Variants in HS6ST3 observed in about 807,000 individuals in gnomAD.
The protein encoded by HS6ST3 is heparan sulfate 6-O-sulfotransferase 3.
In HS6ST3, 12 loss-of-function variants were observed where a neutral mutation model predicts 36.7. The ratio of observed to expected loss-of-function variants is 0.33; its 90% CI spans 0.21 to 0.53. The LOEUF is 0.53. Ranked by LOEUF, HS6ST3 falls within the 20% of genes least tolerant of loss-of-function variation. HS6ST3 has a pLI of 0.95. For synonymous variants in HS6ST3, 240 were observed against 257.5 expected, an observed-to-expected ratio of 0.93 and a Z score of 0.65; for missense variants, 584 against 640.9, an observed-to-expected ratio of 0.91 and a Z score of 0.96.
chr13:96,393,296 T>C (rs2055405318), intron 1 of HS6ST3, among the ~76,000 whole-genome samples: 1 of 152,098 alleles, frequency 6.6e-6, no homozygotes. Context: ...GAATGGATTG[T>C]AGAGAGGTGG....
At chr13:96,663,274 T>C (rs2139020744) in intron 1 of HS6ST3, among the ~76,000 whole-genome samples, 1 of 152,296 alleles carries the variant, frequency 6.6e-6, no homozygotes, top group South Asian at 2.1e-4. Flanking sequence ...TAGACTGTTA[T>C]TTATCTCCAG....
intron 1 of HS6ST3, among the ~76,000 whole-genome samples, chr13:96,172,742 G>A (rs1365471638): frequency 6.6e-6 from 1 of 152,166 alleles, no homozygotes; most frequent in East Asian, 1.9e-4. Flanking sequence ...AAAGGAGAAA[G>A]CAGAAGAACA....
chr13:96,563,833 C>T (rs1054754947), intron 1 of HS6ST3, among the ~76,000 whole-genome samples: 1 of 152,166 alleles, frequency 6.6e-6, no homozygotes, highest in Non-Finnish European at 1.5e-5. Flanking sequence ...CTCTCATGCA[C>T]ACCTTCTTAC....
At chr13:96,445,809 A>G (rs1482332335) in intron 1 of HS6ST3, among the ~76,000 whole-genome samples, 2 of 152,102 alleles carry the variant, frequency 1.3e-5, no homozygotes, top group Non-Finnish European at 1.5e-5. Flanking sequence ...CGGAGGTTGC[A>G]GTGAGCCAAG....
chr13:96,457,455 G>A (rs1237508290), intron 1 of HS6ST3, among the ~76,000 whole-genome samples: 1 of 152,060 alleles, frequency 6.6e-6, no homozygotes, highest in Non-Finnish European at 1.5e-5. Flanking sequence ...GATGCACAAA[G>A]TGAACACATA....
chr13:96,811,635 A>T (rs1878318818), intron 1 of HS6ST3, among the ~76,000 whole-genome samples: 1 of 152,242 alleles, frequency 6.6e-6, no homozygotes, highest in Admixed American at 6.5e-5. Context: ...ATTAATAAAT[A>T]AAAAACATGT....
intron 1 of HS6ST3, among the ~76,000 whole-genome samples, chr13:96,677,156 C>G (rs1411591979): frequency 1.3e-5 from 2 of 152,022 alleles, no homozygotes; most frequent in African/African-American, 4.8e-5. Flanking sequence ...GGGCAAAGTA[C>G]AAGAATGTCT....
At chr13:96,477,850 G>A (rs183122987) in intron 1 of HS6ST3, among the ~76,000 whole-genome samples, 136 of 152,198 alleles carry the variant, frequency 8.9e-4, no homozygotes, top group African/African-American at 3.1e-3. Context: ...TCCAGCCTGG[G>A]TGACAGAGTG....
At chr13:96,318,712 T>A (rs1039431848) in intron 1 of HS6ST3, among the ~76,000 whole-genome samples, 29 of 152,162 alleles carry the variant, frequency 1.9e-4, no homozygotes, top group Non-Finnish European at 7.3e-5. Flanking sequence ...ATGTGTGGCT[T>A]TATTTCTGAG....
intron 1 of HS6ST3, among the ~76,000 whole-genome samples, chr13:96,292,623 A>G (rs990018065): frequency 2.0e-5 from 3 of 147,760 alleles, no homozygotes; most frequent in Admixed American, 6.8e-5. Flanking sequence ...CAGTAGGTTG[A>G]CAAATATTTA....
intron 1 of HS6ST3, among the ~76,000 whole-genome samples, chr13:96,329,167 G>T: frequency 6.8e-6 from 1 of 146,300 alleles, no homozygotes; most frequent in East Asian, 2.0e-4. Flanking sequence ...AGCGTTTTTT[G>T]TGTCTCTATT....
chr13:96,457,369 A>G (rs1320397622), intron 1 of HS6ST3, among the ~76,000 whole-genome samples: 1 of 135,840 alleles, frequency 7.4e-6, no homozygotes, highest in Non-Finnish European at 1.7e-5. Flanking sequence ...CTTAACTCTC[A>G]ACTTCTAGCT....
rs373730856 is a variant in HS6ST3 at position 96,246,161 on chromosome 13, G to T, written c.707+154592G>T. Among the ~76,000 whole-genome samples, 22 of 152,138 alleles carry T rather than the reference G, an allele frequency of 1.4e-4. 2 individuals carry two copies. The highest frequency in any genetic ancestry group is 5.1e-4 in the African/African-American group (21 of 41,520). On this transcript the variant is annotated intron_variant, in intron 1 of 1. Coordinates refer to ENST00000376705, the MANE Select transcript of HS6ST3 (RefSeq NM_153456.4). ...ACCTATTAGTTTCTCTCTCTCAGAG[G>T]AGAGCCATATCTGTAAAAACCAGAT...
intron 1 of HS6ST3, among the ~76,000 whole-genome samples, chr13:96,590,780 G>A (rs1416794112): frequency 6.6e-6 from 1 of 152,028 alleles, no homozygotes. Context: ...CAATGCCCTG[G>A]AGAGTTTCTC....
At chr13:96,244,442 A>T (rs556144316) in intron 1 of HS6ST3, among the ~76,000 whole-genome samples, 29 of 152,246 alleles carry the variant, frequency 1.9e-4, no homozygotes, top group African/African-American at 7.0e-4. Context: ...TTTTTCTGTA[A>T]TTATGACCAC....
chr13:96,692,863 A>G (rs906101596), intron 1 of HS6ST3, among the ~76,000 whole-genome samples: 3 of 152,148 alleles, frequency 2.0e-5, no homozygotes, highest in African/African-American at 7.2e-5. Flanking sequence ...TGTAGGAGAA[A>G]ATATGTTGTT....
At chr13:96,650,956 C>A (rs578255120) in intron 1 of HS6ST3, among the ~76,000 whole-genome samples, 1 of 152,146 alleles carries the variant, frequency 6.6e-6, no homozygotes, top group African/African-American at 2.4e-5. Flanking sequence ...TTCTGACATG[C>A]CCTCTCTAAT....
intron 1 of HS6ST3, among the ~76,000 whole-genome samples, chr13:96,286,495 G>A (rs1333636612): frequency 6.6e-6 from 1 of 152,110 alleles, no homozygotes; most frequent in Non-Finnish European, 1.5e-5. Flanking sequence ...GTAGACTATG[G>A]CATCCTTCAA....
chr13:96,259,682 G>T (rs1927799), intron 1 of HS6ST3, among the ~76,000 whole-genome samples: 147,914 of 152,332 alleles, frequency 0.97, 71,864 homozygotes, highest in East Asian at 1. Context: ...CTTTGATTCT[G>T]TCTGCCTCAT....
Sources: gnomAD v4.1 joint callset for allele counts (sites outside exome capture counted in the v4.1 genomes callset) on GRCh38, gnomAD v4.1.1 for gene constraint, MANE v1.5 for transcripts, NCBI Gene and HGNC (gene_info 2026-07-23, HGNC 2026-07-21) for gene names.